UBXN6: variants seen among roughly 807,000 people sequenced by gnomAD.
The protein encoded by UBXN6 is UBX domain protein 6, also known as UBX domain-containing protein 6.
UBXN6 carries 44 observed loss-of-function variants against 51.4 expected under a neutral mutation model. The ratio of observed to expected loss-of-function variants is 0.86; its 90% confidence interval spans 0.67 to 1.10. UBXN6 has a LOEUF of 1.10. UBXN6 is among the 50% of genes least tolerant of loss of function. The probability of loss-of-function intolerance (pLI) is 0.00; values close to 1 mark genes in which losing one functional copy is unlikely to be tolerated. For synonymous variants in UBXN6, 316 were observed against 263.2 expected, an observed-to-expected ratio of 1.20 and a Z score of -1.94; for missense variants, 672 against 596.1, an observed-to-expected ratio of 1.13 and a Z score of -1.32.
In UBXN6 at chr19:4,446,355, C is replaced by T. The variant is rs761524177; in HGVS notation, c.979G>A (p.Glu327Lys). 5.1e-6 allele frequency: 8 copies of T among 1,571,940 alleles called. No homozygotes were observed. Among genetic ancestry groups the T allele is most frequent in the Non-Finnish European group, 6.9e-6 (8 of 1,165,464 alleles). Residue 327 changes from glutamate (E) to lysine (K), a missense_variant, in exon 9 of 11, where the codon GAG becomes AAG. Transcript: ENST00000301281. ...LRTKAMREKEEQRGLRKYNYT... is the reference protein window; with the variant it reads ...LRTKAMREKEKQRGLRKYNYT... ...TTGTACTTGCGCAGCCCCCGCTGCTCCTCCTTCTCCCGCATGGCCTTGGTC... is the reference window on the plus strand; with the variant it reads ...TTGTACTTGCGCAGCCCCCGCTGCTTCTCCTTCTCCCGCATGGCCTTGGTC...
chr19:4,453,558 G>C, intron 2 of UBXN6, 36 bp from the exon 3 acceptor site: 6 of 1,608,628 alleles, frequency 3.7e-6, no homozygotes, highest in Non-Finnish European at 5.1e-6. Context: ...GCAGAGACGG[G>C]ATAGTGAGCA....
At chr19:4,446,225 G>A (rs1397403267) in intron 9 of UBXN6, 28 bp from the exon 10 acceptor site, 1 of 1,582,248 alleles carries the variant, frequency 6.3e-7, no homozygotes, top group East Asian at 2.3e-5. Flanking sequence ...CAGAGCGGGT[G>A]GGGCCCAGGG....
chr19:4,454,384 A>T (rs566734316), intron 1 of UBXN6, among the ~76,000 whole-genome samples: 79 of 152,158 alleles, frequency 5.2e-4, no homozygotes, highest in Non-Finnish European at 1.0e-3. Flanking sequence ...AAATGGGGTG[A>T]CAGCACCCCT....
rs1164000629 is a variant in UBXN6, at chr19:4,446,319, G to A, written c.1015C>T (p.Leu339=). The change falls in exon 9 of 11, where the codon CTG becomes TTG. Residue 339 remains leucine, a synonymous_variant. Transcript: ENST00000301281. ...RGLRKYNYTL[L]RVRLPDGCLL... ...CAGCCATCGGGGAGGCGCACGCGCA[G>A]CAGCGTGTAGTTGTACTTGCGCAGC... 5 of 1,573,980 alleles carry A rather than the reference G, an allele frequency of 3.2e-6. No homozygotes were observed. Among genetic ancestry groups the A allele is most frequent in the African/African-American group, 1.3e-5 (1 of 74,544 alleles).
At chr19:4,450,237 AAAAG>A (rs1974627927) in intron 4 of UBXN6, 1 of 151,758 alleles carries the variant, frequency 6.6e-6, no homozygotes, top group African/African-American at 2.4e-5. Context: ...AAAAAAAAAA[AAAAG>A]CACTGGAGAG....
At position 4,447,644 on chromosome 19, in the gene UBXN6, G is replaced by A; in HGVS notation, c.540-19C>T. ...CAGGTACCTGGGGTAGGTGGAGAAG[G>A]TGAGTGGGGCACAGCCCAGGCTGCC... On this transcript the variant is annotated intron_variant, in intron 5 of 10. Coordinates refer to ENST00000301281, the MANE Select transcript of UBXN6 (RefSeq NM_025241.3). The A allele has an allele frequency of 6.2e-7, 1 of 1,613,598 alleles. No homozygotes were observed. Among genetic ancestry groups the A allele is most frequent in the Non-Finnish European group, 8.5e-7 (1 of 1,179,652 alleles).
rs376539898 is a variant in UBXN6 at position 4,453,911 on chromosome 19, G to A, written c.247+19C>T. On this transcript the variant is annotated intron_variant, in intron 2 of 10. Transcript: ENST00000301281. The stretch of plus-strand genomic sequence containing the variant: ...CCTCAAACAGCCCCAACCTGGGCCC[G>A]AGGAGGGCCATATCTCACCCTGGTT... The A allele has an allele frequency of 3.6e-5, 58 of 1,605,230 alleles. 1 individual carries two copies. Among genetic ancestry groups the A allele is most frequent in the African/African-American group, 2.5e-4 (19 of 74,868 alleles).
intron 10 of UBXN6, 170 bp downstream of exon 10, chr19:4,445,879 T>G: frequency 8.5e-7 from 1 of 1,179,422 alleles, no homozygotes; most frequent in Non-Finnish European, 1.2e-6. Flanking sequence ...GTTATGAACT[T>G]GCTCGAGGCC....
In UBXN6 at chr19:4,457,754, T is replaced by C; in HGVS notation, c.-57A>G. The C allele has an allele frequency of 2.3e-6, 2 of 863,236 alleles. No individual in the cohort carries two copies. The highest frequency in any genetic ancestry group is 3.1e-6 in the Non-Finnish European group (2 of 640,496). 53.5% of individuals were successfully genotyped at this position (863,236 alleles called of 1,614,324 possible). On this transcript the variant is annotated 5_prime_UTR_variant, in exon 1 of 11. Coordinates refer to ENST00000301281, the MANE Select transcript of UBXN6 (RefSeq NM_025241.3). ...GGGGGCGGGGGGGCACGGGGCCCAG[T>C]CGGGGACGGGGCCGCCGGAGACCAG...
At chr19:4,453,134 A>G (rs1294580936) in intron 3 of UBXN6, among the ~76,000 whole-genome samples, 1 of 152,186 alleles carries the variant, frequency 6.6e-6, no homozygotes, top group Non-Finnish European at 1.5e-5. Context: ...GAGAGAGGAC[A>G]GCTGGTTTCA....
chr19:4,454,167 G>A, intron 1 of UBXN6, 74 bp from the exon 2 acceptor site: 1 of 1,430,672 alleles, frequency 7.0e-7, no homozygotes, highest in Non-Finnish European at 9.3e-7. Flanking sequence ...GTCACACAGA[G>A]GAGCTTCTGC....
intron 4 of UBXN6, among the ~76,000 whole-genome samples, chr19:4,452,110 C>G (rs1021027155): frequency 3.3e-5 from 5 of 150,522 alleles, no homozygotes; most frequent in African/African-American, 1.2e-4. Flanking sequence ...GAATGCGCCA[C>G]TGCACTCCAG....
At chr19:4,454,323 G>A (rs1348097528) in intron 1 of UBXN6, among the ~76,000 whole-genome samples, 1 of 152,206 alleles carries the variant, frequency 6.6e-6, no homozygotes, top group African/African-American at 2.4e-5. Flanking sequence ...ACTCAGCTCT[G>A]CACCATCGGG....
rs371728558 is a variant in UBXN6, at chr19:4,446,802, C to G, written c.700+34G>C. ...CCTCCTGCCCCGAGGCCCCTCGTCC[C>G]CATTCCCTACTCAGCCAGGCCCTGT... is the stretch of plus-strand genomic sequence containing the variant. On this transcript the variant is annotated intron_variant, in intron 7 of 10. Transcript: ENST00000301281. The G allele has an allele frequency of 1.9e-6, 3 of 1,613,814 alleles. No homozygotes were observed. In the African/African-American group the frequency reaches 4.0e-5, roughly 22 times the overall value.
At position 4,447,603 on chromosome 19, in the gene UBXN6, G is replaced by C. The variant is rs145290718; in HGVS notation, c.562C>G (p.His188Asp). 9.8e-5 allele frequency: 158 copies of C among 1,613,938 alleles called. No homozygotes were observed. The highest frequency in any genetic ancestry group is 1.7e-4 in the Middle Eastern group (1 of 6,016). Reference sequence around the variant, plus strand: ...TTCCGGTACTTCTCCTCCTCGGGGTGCAGGTGGATGTTGTCCAGGTACCTG... The same window carrying C: ...TTCCGGTACTTCTCCTCCTCGGGGTCCAGGTGGATGTTGTCCAGGTACCTG... The part of the protein sequence containing the change: ...IAKYLDNIHL[H>D]PEEEKYRKIK... The change falls in exon 6 of 11, where the codon CAC becomes GAC. Residue 188 changes from histidine to aspartate, a missense_variant. Transcript: ENST00000301281.
chr19:4,451,360 T>C (rs373206871), intron 4 of UBXN6, among the ~76,000 whole-genome samples: 3 of 152,194 alleles, frequency 2.0e-5, no homozygotes, highest in South Asian at 2.1e-4. Context: ...GCCCAGCCAC[T>C]TACTATTTTC....
intron 2 of UBXN6, 103 bp from the exon 3 acceptor site, chr19:4,453,625 C>T: frequency 7.3e-7 from 1 of 1,375,114 alleles, no homozygotes; most frequent in Non-Finnish European, 1.0e-6. Flanking sequence ...GGGCCACGCA[C>T]ACCGCCCCAG....
intron 5 of UBXN6, 86 bp downstream of exon 5, chr19:4,448,232 G>C (rs1051685860): frequency 1.0e-5 from 13 of 1,239,122 alleles, no homozygotes; most frequent in East Asian, 2.5e-5. Flanking sequence ...AGGTAATGAG[G>C]GGGCCAGAGG....
chr19:4,447,437 C>A, intron 6 of UBXN6, 113 bp downstream of exon 6: 1 of 1,182,522 alleles, frequency 8.5e-7, no homozygotes, highest in South Asian at 1.3e-5. Context: ...TGTGGCTCAA[C>A]TCTCGCTAGC....
Sources: allele counts gnomAD v4.1 joint callset (sites outside exome capture counted in the v4.1 genomes callset), GRCh38; gene constraint gnomAD v4.1.1; transcripts MANE v1.5; gene names NCBI Gene and HGNC (gene_info 2026-07-23, HGNC 2026-07-21).